The following GRIK2 variants were observed in gnomAD, a reference collection of about 807,000 sequenced individuals.
GRIK2 encodes glutamate receptor ionotropic, kainate 2.
Under a neutral mutation model 100.3 loss-of-function variants are expected in GRIK2, and 32 were observed. The ratio of observed to expected loss-of-function variants is 0.32; its 90% CI spans 0.24 to 0.43. The LOEUF (loss-of-function observed/expected upper bound fraction) is 0.43. Ranked by LOEUF, GRIK2 falls within the 20% of genes least tolerant of loss-of-function variation. The probability of loss-of-function intolerance (pLI) is 1.00; values close to 1 mark genes in which losing one functional copy is unlikely to be tolerated. For missense variants in GRIK2, 843 were observed against 1,114.9 expected, an observed-to-expected ratio of 0.76 and a Z score of 3.47; for synonymous variants, 417 against 389.4, an observed-to-expected ratio of 1.07 and a Z score of -0.83.
chr6:101,485,488 A>C (rs933704173), intron 2 of GRIK2, among the ~76,000 whole-genome samples: 19 of 152,286 alleles, frequency 1.2e-4, no homozygotes, highest in African/African-American at 3.9e-4. Context: ...TAAGTACAAA[A>C]CATATTTGTG....
chr6:101,749,433 A>T (rs1261740479), intron 7 of GRIK2, among the ~76,000 whole-genome samples: 1 of 152,136 alleles, frequency 6.6e-6, no homozygotes, highest in Non-Finnish European at 1.5e-5. Flanking sequence ...TGCTAAGCAG[A>T]ATTTAAAGCT....
intron 14 of GRIK2, among the ~76,000 whole-genome samples, chr6:102,032,634 T>C (rs1262342993): frequency 1.3e-5 from 2 of 151,364 alleles, no homozygotes; most frequent in African/African-American, 4.8e-5. Context: ...TAGCATCTCT[T>C]GAGTGCTTTC....
intron 12 of GRIK2, among the ~76,000 whole-genome samples, chr6:101,918,667 T>G (rs1282021591): frequency 6.6e-6 from 1 of 151,758 alleles, no homozygotes; most frequent in South Asian, 2.1e-4. Flanking sequence ...GATTTAGTGA[T>G]CTGTCACCAC....
chr6:101,449,942 G>T (rs1351856161), intron 2 of GRIK2, among the ~76,000 whole-genome samples: 2 of 151,644 alleles, frequency 1.3e-5, no homozygotes, highest in African/African-American at 2.4e-5. Context: ...AAAATTCTCC[G>T]ATTTGGAAAA....
At chr6:102,014,290 A>T (rs2895441) in intron 14 of GRIK2, among the ~76,000 whole-genome samples, 59,203 of 151,620 alleles carry the variant, frequency 0.39, 12,308 homozygotes, top group African/African-American at 0.54. Flanking sequence ...AGTGGTAATA[A>T]TCCCTTCATT....
chr6:101,547,634 A>G (rs992861474), intron 2 of GRIK2, among the ~76,000 whole-genome samples: 1 of 152,180 alleles, frequency 6.6e-6, no homozygotes, highest in Non-Finnish European at 1.5e-5. Flanking sequence ...CTATGTCCCT[A>G]CAAAGGACAT....
chr6:101,999,487 T>C (rs1012149092), intron 14 of GRIK2, among the ~76,000 whole-genome samples: 13 of 152,282 alleles, frequency 8.5e-5, no homozygotes, highest in Non-Finnish European at 7.4e-5. Context: ...TTGATGCTAT[T>C]GTAAATGGTA....
At chr6:101,838,138 T>C (rs1783259539) in intron 10 of GRIK2, among the ~76,000 whole-genome samples, 1 of 152,212 alleles carries the variant, frequency 6.6e-6, no homozygotes, top group South Asian at 2.1e-4. Context: ...CTCAGTTTAT[T>C]ACTGTTAGAT....
chr6:101,920,378 A>G (rs1486897302), intron 12 of GRIK2, among the ~76,000 whole-genome samples: 1 of 151,948 alleles, frequency 6.6e-6, no homozygotes, highest in Non-Finnish European at 1.5e-5. Flanking sequence ...AATGAGGAAG[A>G]TTCCAGGGCA....
chr6:101,799,392 C>G lies in GRIK2; in HGVS notation c.952-256C>G, dbSNP rs114757542. ...TACATGTCCTACTTCAACGGCAGTACTAGGACTATATGTAATTGGGTTATT... is the reference window on the plus strand; with the variant it reads ...TACATGTCCTACTTCAACGGCAGTAGTAGGACTATATGTAATTGGGTTATT... On this transcript the variant is annotated intron_variant, in intron 7 of 16. Coordinates refer to ENST00000369134, the MANE Select transcript of GRIK2 (RefSeq NM_021956.5). Among the ~76,000 whole-genome samples the G allele has an allele frequency of 4.1e-3, 616 of 151,830 alleles. 4 individuals are homozygous for G. The highest frequency in any genetic ancestry group is 0.014 in the African/African-American group (584 of 41,410).
At chr6:101,842,411 A>C (rs1345216671) in intron 10 of GRIK2, among the ~76,000 whole-genome samples, 1 of 152,000 alleles carries the variant, frequency 6.6e-6, no homozygotes, top group Non-Finnish European at 1.5e-5. Flanking sequence ...GGACATTTTT[A>C]CTTTTCCCTT....
At chr6:101,932,947 T>C (rs1790379861) in intron 14 of GRIK2, among the ~76,000 whole-genome samples, 1 of 151,930 alleles carries the variant, frequency 6.6e-6, no homozygotes, top group African/African-American at 2.4e-5. Flanking sequence ...TACAATTTCT[T>C]CTTAACCTTT....
intron 2 of GRIK2, among the ~76,000 whole-genome samples, chr6:101,587,109 A>C (rs1778411297): frequency 6.6e-6 from 1 of 152,044 alleles, no homozygotes; most frequent in Non-Finnish European, 1.5e-5. Flanking sequence ...AGAAATGTAA[A>C]TAAAAATAGG....
chr6:101,559,191 C>G (rs1474827941), intron 2 of GRIK2, among the ~76,000 whole-genome samples: 1 of 151,936 alleles, frequency 6.6e-6, no homozygotes, highest in Non-Finnish European at 1.5e-5. Flanking sequence ...TACCTGCAGC[C>G]TCTTCTCCAG....
At chr6:101,840,049 C>T (rs572147645) in intron 10 of GRIK2, among the ~76,000 whole-genome samples, 15 of 152,024 alleles carry the variant, frequency 9.9e-5, no homozygotes, top group Non-Finnish European at 1.9e-4. Context: ...GGAGCACATA[C>T]GTGTTTCAGT....
chr6:101,625,821 A>G (rs1207697369), intron 3 of GRIK2, among the ~76,000 whole-genome samples: 2 of 152,162 alleles, frequency 1.3e-5, no homozygotes, highest in Non-Finnish European at 2.9e-5. Context: ...CTGTTTTTCT[A>G]CTCAGTGTGA....
chr6:101,513,886 G>A (rs1774445484), intron 2 of GRIK2, among the ~76,000 whole-genome samples: 1 of 151,900 alleles, frequency 6.6e-6, no homozygotes, highest in African/African-American at 2.4e-5. Flanking sequence ...GAATTAAAAA[G>A]GAAGAGATAA....
chr6:101,508,689 A>G (rs1006818241), intron 2 of GRIK2, among the ~76,000 whole-genome samples: 2 of 152,180 alleles, frequency 1.3e-5, no homozygotes, highest in Non-Finnish European at 2.9e-5. Flanking sequence ...CCTGGATAAC[A>G]TTATAATTAT....
At chr6:101,559,947 AT>A (rs1776922749) in intron 2 of GRIK2, among the ~76,000 whole-genome samples, 1 of 152,168 alleles carries the variant, frequency 6.6e-6, no homozygotes, top group Non-Finnish European at 1.5e-5. Context: ...AGTCAGCTAA[AT>A]CAGATTGATA....
Sources: gnomAD v4.1 joint callset for allele counts (sites outside exome capture counted in the v4.1 genomes callset) on GRCh38, gnomAD v4.1.1 for gene constraint, MANE v1.5 for transcripts, NCBI Gene and HGNC (gene_info 2026-07-23, HGNC 2026-07-21) for gene names.